COBL: variants seen among roughly 807,000 people sequenced by gnomAD.
COBL encodes cordon-bleu WH2 repeat protein, also known as protein cordon-bleu.
COBL carries 51 observed loss-of-function variants against 98.8 expected under a neutral mutation model. The observed-to-expected ratio is 0.52, with a 90% confidence interval of 0.41 to 0.65. The LOEUF (loss-of-function observed/expected upper bound fraction) is 0.65. Ranked by LOEUF, COBL falls within the 30% of genes least tolerant of loss-of-function variation. The probability of loss-of-function intolerance (pLI) is 0.00; values close to 1 mark genes in which losing one functional copy is unlikely to be tolerated. For missense variants in COBL, 1,617 were observed against 1,617.5 expected (o/e 1.00, Z 0.01); for synonymous variants, 634 against 651.7 (o/e 0.97, Z 0.41).
intron 5 of COBL, among the ~76,000 whole-genome samples, chr7:51,161,453 T>C (rs1584013078): frequency 6.6e-6 from 1 of 152,236 alleles, no homozygotes; most frequent in African/African-American, 2.4e-5. Context: ...GAGGCTTCCA[T>C]CAGAAACAAC....
chr7:51,078,377 G>A (rs1178324589), intron 7 of COBL, among the ~76,000 whole-genome samples: 1 of 152,114 alleles, frequency 6.6e-6, no homozygotes, highest in African/African-American at 2.4e-5. Context: ...CCCAGCCTTA[G>A]GGGGAAGCTG....
At chr7:51,117,544 C>T (rs1490220153) in intron 6 of COBL, among the ~76,000 whole-genome samples, 1 of 151,966 alleles carries the variant, frequency 6.6e-6, no homozygotes, top group Non-Finnish European at 1.5e-5. Context: ...AGAATTTCTA[C>T]TTGGTTCTTA....
At chr7:51,050,882 C>T (rs1054760945) in intron 7 of COBL, among the ~76,000 whole-genome samples, 1 of 152,132 alleles carries the variant, frequency 6.6e-6, no homozygotes, top group African/African-American at 2.4e-5. Context: ...GGAGTCTTGT[C>T]TAATAAATGT....
At chr7:51,281,456 C>A (rs1799811562) in intron 1 of COBL, among the ~76,000 whole-genome samples, 1 of 152,106 alleles carries the variant, frequency 6.6e-6, no homozygotes, top group African/African-American at 2.4e-5. Context: ...TCAGCAAACC[C>A]TATACAGGAT....
intron 6 of COBL, among the ~76,000 whole-genome samples, chr7:51,110,719 C>T (rs2128976591): frequency 6.6e-6 from 1 of 152,284 alleles, no homozygotes; most frequent in Non-Finnish European, 1.5e-5. Flanking sequence ...CCCCAAAGTC[C>T]ACTGTATCAT....
rs564161910 is a variant in COBL, at chr7:51,102,757, T to G, written c.958-17453A>C. ...TTCATTTGTTCGCTTGTTTGTTGAT[T>G]TGTTCATTCATTCACATGTGGGTCT... On this transcript the variant is annotated intron_variant, in intron 6 of 12. Coordinates refer to ENST00000265136, the MANE Select transcript of COBL (RefSeq NM_015198.5). Among the ~76,000 whole-genome samples the G allele has an allele frequency of 1.1e-4, 17 of 152,352 alleles. 1 individual carries two copies. The South Asian group carries it at 3.5e-3, about 32-fold the overall frequency.
In COBL at chr7:51,141,126, T is replaced by TA. The variant is rs879858577; in HGVS notation, c.784-4796dup. Among the ~76,000 whole-genome samples the TA allele has an allele frequency of 3.7e-3, 523 of 142,598 alleles. 4 individuals carry two copies. Among genetic ancestry groups the TA allele is most frequent in the Non-Finnish European group, 4.5e-3 (291 of 64,834 alleles). The allele number at this position is 142,598 out of a possible 152,430, so 93.5% of individuals were successfully genotyped here. A position where few individuals can be genotyped will look rare whatever the true frequency, so the allele number is the denominator to read the frequency against. Reference sequence around the variant, plus strand: ...TGAAATCTTTCTGTTTAAATCGATTTAAAAAAAAAAAAAGAGAAATGGTCA... The same window carrying TA: ...TGAAATCTTTCTGTTTAAATCGATTTAAAAAAAAAAAAAAGAGAAATGGTCA... On this transcript the variant is annotated intron_variant, in intron 5 of 12. Coordinates refer to ENST00000265136, the MANE Select transcript of COBL (RefSeq NM_015198.5).
rs762847170 is a variant in COBL, at chr7:51,028,484, G to A, written c.2612C>T (p.Ala871Val). 2 of 1,614,264 alleles carry A rather than the reference G, an allele frequency of 1.2e-6. No homozygotes were observed. Among genetic ancestry groups the A allele is most frequent in the South Asian group, 2.2e-5 (2 of 91,084 alleles). ...TGGGGCTCCTATGCGCTTGGCAATG[G>A]CAGAGGCCACATACTGGCTGGACGT... ...RRTSSQYVAS[A>V]IAKRIGAPKV... Residue 871 changes from alanine (A) to valine (V), a missense_variant, in exon 10 of 13, where the codon GCC (alanine) becomes GTC (valine). Ala to Val is a moderately conservative substitution (Grantham distance 64). Transcript: ENST00000265136.
In COBL at chr7:51,193,485, C is replaced by T. The variant is rs1411000641; in HGVS notation, c.350G>A (p.Ser117Asn). 6.2e-7 allele frequency: 1 copy of T among 1,614,052 alleles called. No individual in the cohort carries two copies. The change falls in exon 3 of 13, where the codon AGT becomes AAT. Residue 117 changes from serine to asparagine, a missense_variant. Coordinates refer to ENST00000265136, the MANE Select transcript of COBL (RefSeq NM_015198.5). ...CCCAATCAAAGTATTTGGCTTAAAA[C>T]TCAAAGGTTGTTGGGTTTCTGAAGA... ...IRSSETQQPL[S>N]FKPNTLIGTL...
At chr7:51,207,855 G>A (rs1387821126) in intron 2 of COBL, among the ~76,000 whole-genome samples, 23 of 151,970 alleles carry the variant, frequency 1.5e-4, no homozygotes, top group Non-Finnish European at 2.8e-4. Context: ...CCACCACCCC[G>A]TCTGGGAAGT....
chr7:51,198,842 G>C (rs1215875958), intron 2 of COBL, among the ~76,000 whole-genome samples: 1 of 152,214 alleles, frequency 6.6e-6, no homozygotes, highest in Non-Finnish European at 1.5e-5. Flanking sequence ...ATGCACAGAA[G>C]TTCCTTTGTA....
intron 7 of COBL, among the ~76,000 whole-genome samples, chr7:51,066,158 G>T (rs1791901774): frequency 6.6e-6 from 1 of 152,204 alleles, no homozygotes; most frequent in Admixed American, 6.5e-5. Flanking sequence ...GGCTTGACAG[G>T]CCCACACATG....
intron 1 of COBL, among the ~76,000 whole-genome samples, chr7:51,270,307 C>T (rs1032362191): frequency 1.3e-5 from 2 of 152,140 alleles, no homozygotes; most frequent in African/African-American, 2.4e-5. Context: ...AGTGGTAGTT[C>T]CGTTCAAGAA....
At chr7:51,255,505 T>C (rs1797120436) in intron 1 of COBL, among the ~76,000 whole-genome samples, 1 of 152,122 alleles carries the variant, frequency 6.6e-6, no homozygotes, top group Admixed American at 6.5e-5. Context: ...GTTCATCCCA[T>C]GAGGGAGGGT....
intron 7 of COBL, among the ~76,000 whole-genome samples, chr7:51,061,573 G>A (rs550927810): frequency 6.6e-6 from 1 of 152,096 alleles, no homozygotes; most frequent in Admixed American, 6.5e-5. Flanking sequence ...CTAAGCAAGG[G>A]GTGTTCGGGT....
At chr7:51,103,918 C>G (rs920926386) in intron 6 of COBL, among the ~76,000 whole-genome samples, 5 of 152,248 alleles carry the variant, frequency 3.3e-5, no homozygotes, top group African/African-American at 9.6e-5. Context: ...GGCCTCGGCC[C>G]CAGCCTCAAC....
At chr7:51,184,050 G>A in intron 5 of COBL, 52 bp downstream of exon 5, 2 of 928,238 alleles carry the variant, frequency 2.2e-6, no homozygotes, top group Non-Finnish European at 1.6e-6. Flanking sequence ...TGTATTTCAA[G>A]AGACTATTTT....
chr7:51,283,935 AAT>A (rs1378568757), intron 1 of COBL, among the ~76,000 whole-genome samples: 1 of 152,064 alleles, frequency 6.6e-6, no homozygotes, highest in East Asian at 1.9e-4. Flanking sequence ...ACTATACACA[AAT>A]ATCTCTCATG....
chr7:51,082,914 T>A (rs1483950189), intron 7 of COBL: 1 of 753,912 alleles, frequency 1.3e-6, no homozygotes, highest in Non-Finnish European at 2.2e-6. Flanking sequence ...ACACACTGCA[T>A]TCAGCATTGG....
Sources: allele counts gnomAD v4.1 joint callset (sites outside exome capture counted in the v4.1 genomes callset), GRCh38; gene constraint gnomAD v4.1.1; transcripts MANE v1.5; gene names NCBI Gene and HGNC (gene_info 2026-07-23, HGNC 2026-07-21).